The following DENND2B variants were observed in gnomAD, a reference collection of about 807,000 sequenced individuals.
DENND2B encodes the protein DENN domain containing 2B.
A neutral mutation model predicts 116.0 loss-of-function variants in DENND2B; 32 were observed. That is an observed-to-expected ratio of 0.28 (90% CI 0.21 to 0.37). The LOEUF is 0.37. Among genes scored for constraint, DENND2B ranks in the 10% least tolerant of loss-of-function variants. DENND2B has a pLI of 1.00. For synonymous variants in DENND2B, 588 were observed against 583.9 expected (o/e 1.01, Z -0.10); for missense variants, 1,276 against 1,477.7 (o/e 0.86, Z 2.24).
intron 1 of DENND2B, among the ~76,000 whole-genome samples, chr11:8,806,927 C>A (rs950833993): frequency 7.2e-6 from 1 of 139,174 alleles, no homozygotes; most frequent in East Asian, 2.1e-4. Context: ...TTTTCTTTTT[C>A]TTTTTTCGCT....
At chr11:8,724,483 C>G (rs2046757745) in intron 4 of DENND2B, among the ~76,000 whole-genome samples, 1 of 152,076 alleles carries the variant, frequency 6.6e-6, no homozygotes, top group Admixed American at 6.5e-5. Flanking sequence ...TCCTCACTGA[C>G]CTACACTGAC....
chr11:8,867,306 T>C (rs1056405748), intron 2 of DENND2B, among the ~76,000 whole-genome samples: 1 of 152,186 alleles, frequency 6.6e-6, no homozygotes, highest in Non-Finnish European at 1.5e-5. Flanking sequence ...GGGTGTCCAA[T>C]GTCCTTATAA....
At chr11:8,770,439 GATAAATGAATTAAC>G (rs1462684526) in intron 1 of DENND2B, among the ~76,000 whole-genome samples, 13 of 152,122 alleles carry the variant, frequency 8.5e-5, no homozygotes, top group Non-Finnish European at 7.3e-5. Flanking sequence ...ACATTATAAG[GATAAATGAATTAAC>G]ATATGTAAAG....
chr11:8,729,846 G>A lies in DENND2B; in HGVS notation c.1340+104C>T, dbSNP rs371211748. 4.9e-4 allele frequency: 704 copies of A among 1,428,306 alleles called. 6 individuals carry two copies. In the East Asian group the frequency reaches 0.014, roughly 28 times the overall value. The allele number at this position is 1,428,306 out of a possible 1,614,324, so 88.5% of individuals were successfully genotyped here. On this transcript the variant is annotated intron_variant, in intron 3 of 19. Coordinates refer to ENST00000313726, the MANE Select transcript of DENND2B (RefSeq NM_213618.2). ...AATTATTCAGCACTTCAGAGCTTAC[G>A]AAGCACTAATGACTGCGACCCATCC... is the stretch of plus-strand genomic sequence containing the variant.
At chr11:8,785,946 T>TG (rs2058861644) in intron 1 of DENND2B, among the ~76,000 whole-genome samples, 1 of 152,240 alleles carries the variant, frequency 6.6e-6, no homozygotes, top group African/African-American at 2.4e-5. Context: ...TTTACCTGTT[T>TG]TCCAAAGTCT....
At chr11:8,826,030 T>G (rs2134563719) in intron 4 of DENND2B, among the ~76,000 whole-genome samples, 1 of 152,332 alleles carries the variant, frequency 6.6e-6, no homozygotes, top group East Asian at 1.9e-4. Flanking sequence ...AATCAAGTCT[T>G]TTGGAGCCCC....
chr11:8,813,244 C>A (rs2061455604), upstream of DENND2B, among the ~76,000 whole-genome samples: 1 of 152,110 alleles, frequency 6.6e-6, no homozygotes, highest in Admixed American at 6.5e-5. Flanking sequence ...TAAAATCCAA[C>A]AGGAAATGAC....
chr11:8,707,314 G>A lies in DENND2B; in HGVS notation c.2431-89C>T, dbSNP rs926012346. 3 of 1,511,280 alleles carry A rather than the reference G, an allele frequency of 2.0e-6. No homozygotes were observed. The allele number at this position is 1,511,280 out of a possible 1,614,324, so 93.6% of individuals were successfully genotyped here. ...CAGAGAAGAGGGCAGCCAAGCATCTGACCAGGCTAGCCCAGAAGCTGGGAG... is the reference window on the plus strand; with the variant it reads ...CAGAGAAGAGGGCAGCCAAGCATCTAACCAGGCTAGCCCAGAAGCTGGGAG... On this transcript the variant is annotated intron_variant, in intron 12 of 19. Transcript: ENST00000313726. This position sits in a 1 kb window ranked among gnomAD's most constrained non-coding sequence, Gnocchi z 4.8.
At chr11:8,736,156 T>G (rs966250546) in intron 2 of DENND2B, among the ~76,000 whole-genome samples, 2 of 152,140 alleles carry the variant, frequency 1.3e-5, no homozygotes, top group African/African-American at 4.8e-5. Flanking sequence ...AAGACCACAG[T>G]GTGCAACCCC....
rs75724455 is a variant in DENND2B, at chr11:8,715,201, T to G, written c.1845+402A>C. The stretch of plus-strand genomic sequence containing the variant: ...ATCCTGCTGCGTTGGGCTGGGGATT[T>G]GGGCCTGGCTGCCTATGTGTGAAAA... On this transcript the variant is annotated intron_variant, in intron 6 of 19. Coordinates refer to ENST00000313726, the MANE Select transcript of DENND2B (RefSeq NM_213618.2). 5.0e-3 allele frequency among the ~76,000 whole-genome samples: 769 copies of G among 152,328 alleles called. 34 individuals carry two copies. In the East Asian group the frequency reaches 0.1, roughly 20 times the overall value.
At chr11:8,889,282 T>C (rs936316611) in intron 1 of DENND2B, among the ~76,000 whole-genome samples, 4 of 152,206 alleles carry the variant, frequency 2.6e-5, no homozygotes, top group African/African-American at 9.7e-5. Flanking sequence ...GATGGCCGAA[T>C]AGGAACAGCT....
chr11:8,791,635 C>T (rs1319054687), intron 1 of DENND2B, among the ~76,000 whole-genome samples: 1 of 151,878 alleles, frequency 6.6e-6, no homozygotes, highest in Non-Finnish European at 1.5e-5. Context: ...GGTATGGTGG[C>T]ATGTGCCTGT....
At chr11:8,752,898 C>G (rs1022841291) in intron 1 of DENND2B, among the ~76,000 whole-genome samples, 1 of 152,146 alleles carries the variant, frequency 6.6e-6, no homozygotes, top group Non-Finnish European at 1.5e-5. Context: ...TATTAAACTG[C>G]TGAGTGACTT....
chr11:8,786,630 C>A (rs1293437955), intron 1 of DENND2B, among the ~76,000 whole-genome samples: 1 of 152,102 alleles, frequency 6.6e-6, no homozygotes, highest in African/African-American at 2.4e-5. Context: ...GGCAACATGG[C>A]AAGAACCCAT....
At chr11:8,698,598 T>G (rs1592318557) in intron 16 of DENND2B, among the ~76,000 whole-genome samples, 1 of 152,190 alleles carries the variant, frequency 6.6e-6, no homozygotes. Context: ...TCAAGGCAGG[T>G]GTTGTCACCA....
intron 3 of DENND2B, among the ~76,000 whole-genome samples, chr11:8,842,136 G>A (rs1303993551): frequency 1.3e-5 from 2 of 152,168 alleles, no homozygotes; most frequent in Non-Finnish European, 2.9e-5. Context: ...GTTGTGAACG[G>A]CACATAGTAG....
chr11:8,872,721 A>G (rs775617167), upstream of DENND2B, among the ~76,000 whole-genome samples: 25 of 152,204 alleles, frequency 1.6e-4, no homozygotes, highest in Non-Finnish European at 3.4e-4. Context: ...CAGTCTGCGC[A>G]TGAAAAATAA....
At chr11:8,866,733 G>T (rs184124621) in intron 2 of DENND2B, among the ~76,000 whole-genome samples, 2 of 152,250 alleles carry the variant, frequency 1.3e-5, no homozygotes, top group Non-Finnish European at 2.9e-5. Flanking sequence ...AGGAACTTCT[G>T]AATAAATGGC....
chr11:8,844,415 T>A (rs761564401), intron 3 of DENND2B, among the ~76,000 whole-genome samples: 8 of 151,676 alleles, frequency 5.3e-5, no homozygotes, highest in Non-Finnish European at 1.2e-4. Context: ...AAATGTTTTA[T>A]TAAAAATAAA....
Sources: gnomAD v4.1 joint callset for allele counts (sites outside exome capture counted in the v4.1 genomes callset) on GRCh38, gnomAD v4.1.1 for gene constraint, Gnocchi (gnomAD v3.1) non-coding constraint, MANE v1.5 for transcripts, NCBI Gene and HGNC (gene_info 2026-07-23, HGNC 2026-07-21) for gene names.